Variants in PNPLA7 observed in about 807,000 individuals in gnomAD.
The protein encoded by PNPLA7 is patatin-like phospholipase domain-containing protein 7.
PNPLA7 carries 153 observed loss-of-function variants against 161.7 expected under a neutral mutation model. The observed-to-expected ratio is 0.95, with a 90% CI of 0.83 to 1.08. The LOEUF (loss-of-function observed/expected upper bound fraction) is 1.08. PNPLA7 is among the 50% of genes least tolerant of loss of function. The probability of loss-of-function intolerance (pLI) is 0.00; values close to 1 mark genes in which losing one functional copy is unlikely to be tolerated. For synonymous variants in PNPLA7, 809 were observed against 782.1 expected (o/e 1.03, Z -0.57); for missense variants, 1,739 against 1,856.6 (o/e 0.94, Z 1.16).
chr9:137,504,089 G>GAAGA (rs1181400316), intron 14 of PNPLA7, among the ~76,000 whole-genome samples: 7 of 145,576 alleles, frequency 4.8e-5, no homozygotes, highest in African/African-American at 1.8e-4. Context: ...GAAGAAGGAA[G>GAAGA]AAGAAGGAAG....
chr9:137,497,247 C>T lies in PNPLA7; in HGVS notation c.1953G>A (p.Arg651=). ...MLSGRLRSVI[R]KDDGKKRLAG... ...CCAGGCGCTTCTTCCCATCATCCTT[C>T]CGGATCACAGAGCGCAGCCGGCCGC... The change falls in exon 18 of 35, where the codon CGG becomes CGA. Residue 651 remains arginine, a synonymous_variant. Coordinates refer to ENST00000406427, the MANE Select transcript of PNPLA7 (RefSeq NM_001098537.3). The T allele has an allele frequency of 3.1e-6, 5 of 1,593,388 alleles. No homozygotes were observed. Among genetic ancestry groups the T allele is most frequent in the Non-Finnish European group, 4.3e-6 (5 of 1,170,892 alleles).
chr9:137,527,812 T>C (rs1835377069), intron 8 of PNPLA7, among the ~76,000 whole-genome samples: 1 of 152,252 alleles, frequency 6.6e-6, no homozygotes, highest in African/African-American at 2.4e-5. Flanking sequence ...GAAGTTTGTA[T>C]AAAATTAGCA....
At chr9:137,511,341 C>A (rs954777203) in intron 12 of PNPLA7, among the ~76,000 whole-genome samples, 2 of 151,874 alleles carry the variant, frequency 1.3e-5, no homozygotes, top group African/African-American at 4.8e-5. Flanking sequence ...GCGCCAGTGC[C>A]TGGGAAGGCA....
intron 20 of PNPLA7, among the ~76,000 whole-genome samples, chr9:137,485,850 C>T (rs1832453680): frequency 6.6e-6 from 1 of 152,326 alleles, no homozygotes; most frequent in Non-Finnish European, 1.5e-5. Flanking sequence ...TCGGCCAGCA[C>T]AGTGGCAAGG....
At position 137,461,932 on chromosome 9, in the gene PNPLA7, G is replaced by T; in HGVS notation, c.3755C>A (p.Ala1252Glu). The change falls in exon 32 of 35, where the codon GCG becomes GAG. Residue 1252 changes from alanine to glutamate, a missense_variant and splice_region_variant. Ala to Glu is a moderately radical substitution (Grantham distance 107). Transcript: ENST00000406427. ...QQGPSKKPAS[A>E]VLTCPNASFT... ...CGTGGTCCGGACGCCCGTACTCACC[G>T]CACTCGCGGGCTTCTTGCTCGGCCC... 1 of 1,566,054 alleles carries T rather than the reference G, an allele frequency of 6.4e-7. No homozygotes were observed. Among genetic ancestry groups the T allele is most frequent in the Non-Finnish European group, 8.6e-7 (1 of 1,161,268 alleles).
intron 20 of PNPLA7, chr9:137,491,908 C>A: frequency 3.0e-6 from 3 of 985,348 alleles, no homozygotes; most frequent in Non-Finnish European, 3.6e-6. Context: ...GAGTGCTGGG[C>A]GGATGGGGAG....
Position 137,541,272 on chromosome 9 carries a change from A to G in PNPLA7, c.667-550T>C, listed in dbSNP as rs1180844447. ...AGAGGGACACGGGTTCTGGTCCTTCAGGAGGGCCCCGCACGAGCGGCAACG... is the reference window on the plus strand; with the variant it reads ...AGAGGGACACGGGTTCTGGTCCTTCGGGAGGGCCCCGCACGAGCGGCAACG... On this transcript the variant is annotated intron_variant, in intron 7 of 34. Transcript: ENST00000406427. The surrounding 1 kb of genome is among the most constrained non-coding windows in gnomAD (Gnocchi z 4.4). The G allele has an allele frequency of 4.4e-6, 1 of 225,552 alleles. No homozygotes were observed. The highest frequency in any genetic ancestry group is 1.6e-4 in the South Asian group (1 of 6,198). The allele number at this position is 225,552 out of a possible 1,614,324, so 14.0% of individuals were successfully genotyped here.
At chr9:137,534,953 AAACACC>A in intron 8 of PNPLA7, among the ~76,000 whole-genome samples, 1 of 140,798 alleles carries the variant, frequency 7.1e-6, no homozygotes, top group South Asian at 2.4e-4. Context: ...CAGCAGGGCC[AAACACC>A]AACACCAAGT....
Position 137,547,868 on chromosome 9 carries a change from G to C in PNPLA7, c.31-209C>G, listed in dbSNP as rs1836626285. 6.6e-6 allele frequency among the ~76,000 whole-genome samples: 1 copy of C among 152,170 alleles called. No homozygotes were observed. Among genetic ancestry groups the C allele is most frequent in the South Asian group, 2.1e-4 (1 of 4,834 alleles). On this transcript the variant is annotated intron_variant, in intron 1 of 34. Transcript: ENST00000406427. This position sits in a 1 kb window ranked among gnomAD's most constrained non-coding sequence, Gnocchi z 4.6. Reference sequence around the variant, plus strand: ...AGCAACCTGGCTCCCTCAGTCACTGGGATACAGTGGGGCAGGGCCAGCGGC... The same window carrying C: ...AGCAACCTGGCTCCCTCAGTCACTGCGATACAGTGGGGCAGGGCCAGCGGC...
At chr9:137,485,374 A>C (rs1293643427) in intron 20 of PNPLA7, among the ~76,000 whole-genome samples, 1 of 142,532 alleles carries the variant, frequency 7.0e-6, no homozygotes, top group African/African-American at 3.1e-5. Context: ...GCTGCAGGTG[A>C]GGCCTCATCG....
intron 23 of PNPLA7, among the ~76,000 whole-genome samples, chr9:137,480,052 C>T (rs1369656823): frequency 2.6e-5 from 4 of 152,244 alleles, no homozygotes; most frequent in African/African-American, 9.6e-5. Context: ...CTTCCCGCAC[C>T]TGCTGTAAAA....
intron 12 of PNPLA7, among the ~76,000 whole-genome samples, chr9:137,514,448 G>T (rs1219639727): frequency 3.1e-5 from 4 of 128,438 alleles, no homozygotes; most frequent in Non-Finnish European, 6.5e-5. Flanking sequence ...GCTGGGCTGT[G>T]GGTGGGTCAC....
In PNPLA7 at chr9:137,543,661, T is replaced by G. The variant is rs919609409; in HGVS notation, c.365+63A>C. On this transcript the variant is annotated intron_variant, in intron 5 of 34. Coordinates refer to ENST00000406427, the MANE Select transcript of PNPLA7 (RefSeq NM_001098537.3). The surrounding 1 kb of genome is among the most constrained non-coding windows in gnomAD (Gnocchi z 6.9). ...GGCTGACACACCAGGCAGCTCAGGG[T>G]TGGGGAGGCCAGCACCATGGGGGGC... is the stretch of plus-strand genomic sequence containing the variant. 1.1e-5 allele frequency: 17 copies of G among 1,611,216 alleles called. No individual in the cohort carries two copies. In the African/African-American group the frequency reaches 1.2e-4, roughly 11 times the overall value.
intron 4 of PNPLA7, among the ~76,000 whole-genome samples, chr9:137,545,779 T>C (rs1329274683): frequency 1.3e-5 from 2 of 152,182 alleles, no homozygotes; most frequent in East Asian, 1.9e-4. Context: ...GTGCGAGCCT[T>C]CTGTTATGCC....
chr9:137,549,232 C>T (rs977365725), intron 1 of PNPLA7, among the ~76,000 whole-genome samples: 5 of 152,164 alleles, frequency 3.3e-5, no homozygotes, highest in Non-Finnish European at 7.4e-5. Flanking sequence ...CCTGTAATCC[C>T]AGCACTTTGG....
At chr9:137,530,638 T>C (rs1231117805) in intron 8 of PNPLA7, among the ~76,000 whole-genome samples, 1 of 152,250 alleles carries the variant, frequency 6.6e-6, no homozygotes, top group African/African-American at 2.4e-5. Context: ...TTCACTGTAA[T>C]CAGCAGGACA....
At chr9:137,550,129 A>T (rs986395401) in intron 1 of PNPLA7, 39 bp downstream of exon 1, 1 of 1,612,104 alleles carries the variant, frequency 6.2e-7, no homozygotes, top group Non-Finnish European at 8.5e-7. Flanking sequence ...ATGCCCCCCA[A>T]CTGGGAAATC....
chr9:137,462,880 C>T, intron 29 of PNPLA7, 47 bp from the exon 30 acceptor site: 1 of 1,604,294 alleles, frequency 6.2e-7, no homozygotes, highest in Non-Finnish European at 8.5e-7. Context: ...GCATGCAGAG[C>T]CAGGGGACGG....
At chr9:137,465,890 C>A (rs900343632) in intron 26 of PNPLA7, among the ~76,000 whole-genome samples, 1 of 152,172 alleles carries the variant, frequency 6.6e-6, no homozygotes, top group African/African-American at 2.4e-5. Flanking sequence ...GGGAACGGAG[C>A]CTGGCTGCCT....
Sources: gnomAD v4.1 joint callset for allele counts (sites outside exome capture counted in the v4.1 genomes callset) on GRCh38, gnomAD v4.1.1 for gene constraint, Gnocchi (gnomAD v3.1) non-coding constraint, MANE v1.5 for transcripts, NCBI Gene and HGNC (gene_info 2026-07-23, HGNC 2026-07-21) for gene names.